HCRTR2: variants seen among roughly 807,000 people sequenced by gnomAD.
The protein encoded by HCRTR2 is orexin receptor type 2.
In HCRTR2, 22 loss-of-function variants were observed where a neutral mutation model predicts 49.0. That is an observed-to-expected ratio of 0.45 (90% CI 0.32 to 0.64). The LOEUF is 0.64. Ranked by LOEUF, HCRTR2 falls within the 30% of genes least tolerant of loss-of-function variation. The pLI, the probability that HCRTR2 is intolerant of heterozygous loss-of-function variation, is 0.04. For missense variants in HCRTR2, 491 were observed against 559.4 expected, an observed-to-expected ratio of 0.88 and a Z score of 1.23; for synonymous variants, 236 against 205.3, an observed-to-expected ratio of 1.15 and a Z score of -1.28.
At chr6:55,262,741 TA>T (rs1465399378) in intron 3 of HCRTR2, among the ~76,000 whole-genome samples, 2 of 114,312 alleles carry the variant, frequency 1.7e-5, no homozygotes, top group Admixed American at 9.5e-5. Context: ...AGGTAGGGAA[TA>T]TATATATATG....
At chr6:55,248,233 G>T (rs1401128710) in intron 1 of HCRTR2, among the ~76,000 whole-genome samples, 1 of 152,086 alleles carries the variant, frequency 6.6e-6, no homozygotes, top group Non-Finnish European at 1.5e-5. Context: ...TATGGGTCAA[G>T]GTCATGGATG....
At chr6:55,119,183 A>G (rs1010212508) in intron 1 of HCRTR2, among the ~76,000 whole-genome samples, 18 of 152,134 alleles carry the variant, frequency 1.2e-4, no homozygotes, top group South Asian at 4.1e-4. Flanking sequence ...TATTCAGTCT[A>G]TCATTGATGG....
chr6:55,110,004 C>T (rs1764027566), intron 1 of HCRTR2, among the ~76,000 whole-genome samples: 1 of 152,090 alleles, frequency 6.6e-6, no homozygotes, highest in African/African-American at 2.4e-5. Context: ...GAAAACCTAG[C>T]AGATAAACAG....
chr6:55,138,997 T>C (rs1335296614), intron 1 of HCRTR2, among the ~76,000 whole-genome samples: 1 of 152,072 alleles, frequency 6.6e-6, no homozygotes, highest in Non-Finnish European at 1.5e-5. Flanking sequence ...GAGACCTAAA[T>C]CACTCAGCCA....
Position 55,253,954 on chromosome 6 carries a change from A to G in HCRTR2, c.403-1182A>G, listed in dbSNP as rs377180421. ...CTTGGATTAATACCTGGGTGATGAA[A>G]TAATCTGTACAGCAAACACCCATGA... On this transcript the variant is annotated intron_variant, in intron 2 of 6. Transcript: ENST00000370862. Among the ~76,000 whole-genome samples, 4 of 152,162 alleles carry G rather than the reference A, an allele frequency of 2.6e-5. No individual in the cohort carries two copies. The East Asian group carries it at 5.8e-4, about 22-fold the overall frequency.
At chr6:55,233,803 T>C (rs894033235) in intron 1 of HCRTR2, among the ~76,000 whole-genome samples, 1 of 152,162 alleles carries the variant, frequency 6.6e-6, no homozygotes, top group Non-Finnish European at 1.5e-5. Flanking sequence ...GAAACTATAT[T>C]CAAAAATAGG....
intron 1 of HCRTR2, among the ~76,000 whole-genome samples, chr6:55,240,160 A>G (rs2127305344): frequency 6.6e-6 from 1 of 151,882 alleles, no homozygotes; most frequent in African/African-American, 2.4e-5. Context: ...GATCTAGACC[A>G]TCCTGGCTAA....
At chr6:55,117,322 C>T (rs1764131783) in intron 1 of HCRTR2, among the ~76,000 whole-genome samples, 1 of 151,668 alleles carries the variant, frequency 6.6e-6, no homozygotes, top group Non-Finnish European at 1.5e-5. Flanking sequence ...ACAAGACAAG[C>T]TAAATGCTCA....
chr6:55,197,855 T>C (rs551622235), intron 1 of HCRTR2, among the ~76,000 whole-genome samples: 2 of 152,188 alleles, frequency 1.3e-5, no homozygotes, highest in African/African-American at 4.8e-5. Flanking sequence ...TCCCCTGACC[T>C]TGTGATCTGC....
intron 1 of HCRTR2, among the ~76,000 whole-genome samples, chr6:55,167,070 G>C (rs1380505561): frequency 6.6e-6 from 1 of 152,094 alleles, no homozygotes; most frequent in Non-Finnish European, 1.5e-5. Context: ...AATTAGTAGT[G>C]CTGATGGTGA....
chr6:55,255,336 C>A lies in HCRTR2; in HGVS notation c.603C>A (p.Ala201=), dbSNP rs199945618. 2.1e-4 allele frequency: 335 copies of A among 1,613,986 alleles called. 3 individuals carry two copies. In the South Asian group the frequency reaches 2.9e-3, roughly 14 times the overall value. ...GCAGCACCGTGTTCCCAGGCTTAGC[C>A]AATAAAACCACCCTCTTTACGGTGT... is the stretch of plus-strand genomic sequence containing the variant. ...MECSTVFPGL[A]NKTTLFTVCD... The change falls in exon 3 of 7, where the codon GCC becomes GCA. Residue 201 remains alanine, a synonymous_variant. Transcript: ENST00000370862.
intron 6 of HCRTR2, 23 bp from the exon 7 acceptor site, chr6:55,282,202 C>G (rs778334041): frequency 1.9e-6 from 3 of 1,548,730 alleles, no homozygotes; most frequent in Non-Finnish European, 2.7e-6. Flanking sequence ...ATTCCTTTTC[C>G]TTTCATTCTC....
intron 1 of HCRTR2, among the ~76,000 whole-genome samples, chr6:55,116,450 T>A (rs1052477835): frequency 2.7e-5 from 4 of 147,400 alleles, no homozygotes; most frequent in Admixed American, 6.8e-5. Flanking sequence ...TAGGGGGAGA[T>A]AGAAAAAGAG....
chr6:55,213,629 G>T (rs562835193), intron 1 of HCRTR2, among the ~76,000 whole-genome samples: 1 of 152,222 alleles, frequency 6.6e-6, no homozygotes, highest in East Asian at 1.9e-4. Context: ...GTCACTTCTG[G>T]CATAGCACAG....
chr6:55,237,679 T>C (rs991713829), intron 1 of HCRTR2, among the ~76,000 whole-genome samples: 1 of 152,206 alleles, frequency 6.6e-6, no homozygotes, highest in Non-Finnish European at 1.5e-5. Context: ...TGATGTCCCT[T>C]CTGCCTTAGT....
At chr6:55,168,888 C>T (rs1328303618) in intron 1 of HCRTR2, among the ~76,000 whole-genome samples, 1 of 152,086 alleles carries the variant, frequency 6.6e-6, no homozygotes, top group Non-Finnish European at 1.5e-5. Flanking sequence ...CCCATGTAAT[C>T]TCTCAATGAG....
chr6:55,147,345 T>A (rs2127256281), intron 1 of HCRTR2, among the ~76,000 whole-genome samples: 1 of 152,284 alleles, frequency 6.6e-6, no homozygotes, highest in Admixed American at 6.5e-5. Flanking sequence ...GGGGAATATA[T>A]GCTAACTAAT....
intron 1 of HCRTR2, among the ~76,000 whole-genome samples, chr6:55,241,145 CCA>C (rs747854795): frequency 6.8e-4 from 92 of 135,360 alleles, no homozygotes; most frequent in Admixed American, 2.1e-3. Context: ...ACAACAGTCC[CCA>C]GAGTGTGATG....
intron 1 of HCRTR2, among the ~76,000 whole-genome samples, chr6:55,226,601 G>A (rs1766008956): frequency 6.6e-6 from 1 of 151,882 alleles, no homozygotes; most frequent in African/African-American, 2.4e-5. Context: ...GAGCCACTGA[G>A]CCCTGCCAAA....
Sources: gnomAD v4.1 joint callset for allele counts (sites outside exome capture counted in the v4.1 genomes callset) on GRCh38, gnomAD v4.1.1 for gene constraint, MANE v1.5 for transcripts, NCBI Gene and HGNC (gene_info 2026-07-23, HGNC 2026-07-21) for gene names.